Variants in HEATR5B observed in about 807,000 individuals in gnomAD.
HEATR5B encodes the protein HEAT repeat-containing protein 5B.
Under a neutral mutation model 224.1 loss-of-function variants are expected in HEATR5B, and 156 were observed. The observed-to-expected ratio is 0.70, with a 90% CI of 0.61 to 0.80. HEATR5B has a LOEUF of 0.80. Among genes scored for constraint, HEATR5B ranks in the 30% least tolerant of loss-of-function variants. The pLI, the probability that HEATR5B is intolerant of heterozygous loss-of-function variation, is 0.00. For synonymous variants in HEATR5B, 1,027 were observed against 893.0 expected (o/e 1.15, Z -2.68); for missense variants, 2,323 against 2,535.5 (o/e 0.92, Z 1.80).
chr2:37,037,890 G>T lies in HEATR5B; in HGVS notation c.3181C>A (p.His1061Asn). 6.3e-7 allele frequency: 1 copy of T among 1,596,394 alleles called. No individual in the cohort carries two copies. The highest frequency in any genetic ancestry group is 8.6e-7 in the Non-Finnish European group (1 of 1,169,376). Residue 1061 changes from histidine (H) to asparagine (N), a missense_variant, in exon 21 of 36, where the codon CAT (histidine) becomes AAT (asparagine). Around this residue, in one of 12 missense-constraint regions of HEATR5B, gnomAD observed 88 missense variants for 86.8 expected, o/e 1.01. Coordinates refer to ENST00000233099, the MANE Select transcript of HEATR5B (RefSeq NM_019024.3). ...GGAACAAGGCTAGATAGATTGACAT[G>T]TCGTGGTGCAAACATGTGAAGCTGC... ...LQQLHMFAPR[H>N]VNLSSLVPSL...
At chr2:37,061,166 T>C (rs1008835519) in intron 11 of HEATR5B, among the ~76,000 whole-genome samples, 10 of 152,142 alleles carry the variant, frequency 6.6e-5, no homozygotes, top group Non-Finnish European at 1.3e-4. Flanking sequence ...ACATATTCCT[T>C]AGTTTTGGGG....
At chr2:37,074,347 C>A (rs1184803249) in intron 5 of HEATR5B, among the ~76,000 whole-genome samples, 2 of 146,286 alleles carry the variant, frequency 1.4e-5, no homozygotes, top group Admixed American at 6.8e-5. Flanking sequence ...AGAAATGGTA[C>A]TGGAAGAAGT....
chr2:37,021,974 CT>C (rs1210037666), intron 24 of HEATR5B, among the ~76,000 whole-genome samples: 1 of 150,236 alleles, frequency 6.7e-6, no homozygotes, highest in Non-Finnish European at 1.5e-5. Context: ...CCTTCGTTCC[CT>C]TTTTTTTTCC....
Position 37,019,763 on chromosome 2 carries a change from T to C in HEATR5B, c.4104+46A>G, listed in dbSNP as rs962736132. The C allele has an allele frequency of 3.1e-6, 4 of 1,279,322 alleles. No individual in the cohort carries two copies. In the South Asian group the frequency reaches 3.7e-5, roughly 12 times the overall value. 79.2% of individuals were successfully genotyped at this position (1,279,322 alleles called of 1,614,324 possible). A position where few individuals can be genotyped will look rare whatever the true frequency, so the allele number is the denominator to read the frequency against. On this transcript the variant is annotated intron_variant, in intron 26 of 35. Coordinates refer to ENST00000233099, the MANE Select transcript of HEATR5B (RefSeq NM_019024.3). Reference sequence around the variant, plus strand: ...CACAAGTTAAATTCTAAGATATCTATGAATGTATAGAAGACAACTATACAA... The same window carrying C: ...CACAAGTTAAATTCTAAGATATCTACGAATGTATAGAAGACAACTATACAA...
chr2:37,021,786 C>A (rs1259711852), intron 24 of HEATR5B, among the ~76,000 whole-genome samples: 1 of 151,160 alleles, frequency 6.6e-6, no homozygotes, highest in Non-Finnish European at 1.5e-5. Context: ...ACTCAGGGGG[C>A]TGAGGTAGGA....
intron 22 of HEATR5B, among the ~76,000 whole-genome samples, chr2:37,030,471 T>C: frequency 6.6e-6 from 1 of 152,252 alleles, no homozygotes; most frequent in East Asian, 1.9e-4. Flanking sequence ...TGAGGACAAA[T>C]TCCTTAAAAG....
At position 37,049,814 on chromosome 2, in the gene HEATR5B, TC is replaced by T. The variant is rs1288684746; in HGVS notation, c.2534del (p.Gly845AspfsTer10). ...GGGCAGATTTACGAACTTCCTCAGG[TC>T]CTAAAGTACTTTTGTTTTCAGCTAA... Reference protein sequence around the residue: ...KGLAENKSTLGPEEVRKSALT... With the variant: ...KGLAENKSTLXPEEVRKSALT... On this transcript the variant is annotated frameshift_variant, in exon 18 of 36. Coordinates refer to ENST00000233099, the MANE Select transcript of HEATR5B (RefSeq NM_019024.3). LOFTEE classifies it high-confidence loss of function. 1 of 1,580,050 alleles carries T rather than the reference TC, an allele frequency of 6.3e-7. No homozygotes were observed. The highest frequency in any genetic ancestry group is 8.6e-7 in the Non-Finnish European group (1 of 1,168,864).
chr2:36,993,429 T>C (rs917677115), intron 33 of HEATR5B, among the ~76,000 whole-genome samples: 6 of 151,696 alleles, frequency 4.0e-5, no homozygotes, highest in Non-Finnish European at 8.8e-5. Flanking sequence ...CCCAGCTACT[T>C]GGGAGGCTGA....
intron 33 of HEATR5B, among the ~76,000 whole-genome samples, chr2:36,994,053 G>GA (rs1666522505): frequency 6.6e-6 from 1 of 152,176 alleles, no homozygotes; most frequent in African/African-American, 2.4e-5. Context: ...TTATGGAAGG[G>GA]AATGTCCTTG....
chr2:37,056,416 T>C, intron 16 of HEATR5B, 24 bp downstream of exon 16: 1 of 1,528,762 alleles, frequency 6.5e-7, no homozygotes, highest in Non-Finnish European at 8.8e-7. Context: ...TTAACAAAAA[T>C]TACCTGATTG....
intron 21 of HEATR5B, among the ~76,000 whole-genome samples, chr2:37,035,758 G>A (rs545878397): frequency 7.2e-5 from 11 of 151,992 alleles, no homozygotes; most frequent in South Asian, 4.2e-4. Context: ...CTACTCCTAC[G>A]TCTCTGTTTT....
intron 7 of HEATR5B, among the ~76,000 whole-genome samples, chr2:37,069,456 C>T (rs985592092): frequency 3.3e-5 from 5 of 152,114 alleles, no homozygotes; most frequent in East Asian, 1.9e-4. Context: ...CCTCTTATTC[C>T]GTGTTATTTT....
intron 32 of HEATR5B, 25 bp from the exon 33 acceptor site, chr2:37,000,838 C>G (rs747544611): frequency 6.8e-5 from 98 of 1,443,808 alleles, no homozygotes; most frequent in Non-Finnish European, 9.3e-5. Context: ...AATCAGATCA[C>G]CTCATAACTA....
In HEATR5B at chr2:37,084,329, C is replaced by T. The variant is rs1302270310; in HGVS notation, c.-83G>A. Reference sequence around the variant, plus strand: ...GGGGTAGAAGCAGCCACCAAGAGACCCGGATGCCCCACCTCCCGCACTCCT... The same window carrying T: ...GGGGTAGAAGCAGCCACCAAGAGACTCGGATGCCCCACCTCCCGCACTCCT... On this transcript the variant is annotated 5_prime_UTR_variant, in exon 1 of 36. Coordinates refer to ENST00000233099, the MANE Select transcript of HEATR5B (RefSeq NM_019024.3). 7.3e-6 allele frequency: 3 copies of T among 410,174 alleles called. No homozygotes were observed. Among genetic ancestry groups the T allele is most frequent in the Non-Finnish European group, 1.3e-5 (3 of 237,644 alleles). 25.4% of individuals were successfully genotyped at this position (410,174 alleles called of 1,614,324 possible).
rs562881898 is a variant in HEATR5B, at chr2:37,027,340, T to C, written c.3853+583A>G. Among the ~76,000 whole-genome samples the C allele has an allele frequency of 3.3e-4, 51 of 152,322 alleles. No homozygotes were observed. The South Asian group carries it at 0.011, about 32-fold the overall frequency. ...AACTATGAAATGAAGGTACTGGGTCTGATGGTCTCTTTGTAAATTCCCTAT... is the reference window on the plus strand; with the variant it reads ...AACTATGAAATGAAGGTACTGGGTCCGATGGTCTCTTTGTAAATTCCCTAT... On this transcript the variant is annotated intron_variant, in intron 24 of 35. Coordinates refer to ENST00000233099, the MANE Select transcript of HEATR5B (RefSeq NM_019024.3).
chr2:37,045,249 TTC>T (rs1010162400), intron 18 of HEATR5B, among the ~76,000 whole-genome samples: 2 of 152,190 alleles, frequency 1.3e-5, no homozygotes, highest in African/African-American at 4.8e-5. Flanking sequence ...GGTTTTATCT[TTC>T]TGCTTCTTTA....
At chr2:37,027,055 T>C (rs1668825265) in intron 24 of HEATR5B, among the ~76,000 whole-genome samples, 1 of 152,204 alleles carries the variant, frequency 6.6e-6, no homozygotes, top group African/African-American at 2.4e-5. Flanking sequence ...TGCCTCAGAC[T>C]CCCAAAGTGC....
At chr2:37,076,633 T>C (rs1356154468) in intron 4 of HEATR5B, among the ~76,000 whole-genome samples, 1 of 131,126 alleles carries the variant, frequency 7.6e-6, no homozygotes, top group East Asian at 2.2e-4. Context: ...ATTAACACAT[T>C]AGCTATGGCA....
intron 25 of HEATR5B, among the ~76,000 whole-genome samples, chr2:37,020,156 C>T (rs139244828): frequency 2.6e-4 from 40 of 152,290 alleles, no homozygotes; most frequent in African/African-American, 8.7e-4. Flanking sequence ...CCACCCACCT[C>T]GGCCTCCCAA....
Sources: allele counts gnomAD v4.1 joint callset (sites outside exome capture counted in the v4.1 genomes callset), GRCh38; gene constraint gnomAD v4.1.1; regional missense constraint gnomAD v4.1.1; transcripts MANE v1.5; gene names NCBI Gene and HGNC (gene_info 2026-07-23, HGNC 2026-07-21).